Variants in GLIS3 observed in about 807,000 individuals in gnomAD.
The protein encoded by GLIS3 is GLIS family zinc finger 3, also known as zinc finger protein GLIS3.
Under a neutral mutation model 78.6 loss-of-function variants are expected in GLIS3, and 53 were observed. That is an observed-to-expected ratio of 0.67 (90% CI 0.54 to 0.85). The LOEUF is 0.85. Ranked by LOEUF, GLIS3 falls within the 40% of genes least tolerant of loss-of-function variation. The probability of loss-of-function intolerance (pLI) is 0.00; values close to 1 mark genes in which losing one functional copy is unlikely to be tolerated. For missense variants in GLIS3, 1,703 were observed against 1,231.1 expected (o/e 1.38, Z -5.74); for synonymous variants, 684 against 509.9 (o/e 1.34, Z -4.60).
intron 2 of GLIS3, among the ~76,000 whole-genome samples, chr9:4,284,758 G>GA (rs199765722): frequency 1.2e-4 from 17 of 146,294 alleles, no homozygotes; most frequent in African/African-American, 2.0e-4. Context: ...AAAAAAAAAA[G>GA]AAAAAAAAAA....
intron 2 of GLIS3, among the ~76,000 whole-genome samples, chr9:4,227,830 G>C (rs1488340786): frequency 1.3e-5 from 2 of 152,316 alleles, no homozygotes; most frequent in African/African-American, 4.8e-5. Context: ...AAACAATGCT[G>C]CTAAGGGTCA....
intron 4 of GLIS3, among the ~76,000 whole-genome samples, chr9:4,004,697 T>C (rs1196527283): frequency 6.6e-6 from 1 of 152,210 alleles, no homozygotes; most frequent in Non-Finnish European, 1.5e-5. Flanking sequence ...TTATTAGCCC[T>C]AAAGTTTCAT....
intron 4 of GLIS3, among the ~76,000 whole-genome samples, chr9:4,023,876 A>G (rs969336825): frequency 1.2e-4 from 19 of 152,218 alleles, no homozygotes; most frequent in African/African-American, 4.6e-4. Flanking sequence ...AAACTCATAC[A>G]GCATTTTGAC....
intron 2 of GLIS3, among the ~76,000 whole-genome samples, chr9:4,209,821 C>G (rs55751807): frequency 0.26 from 38,401 of 149,800 alleles, 5,360 homozygotes; most frequent in African/African-American, 0.37. Context: ...TCCCGCCCCC[C>G]CCCAGTTGTG....
chr9:4,201,793 T>TA (rs1174057451), intron 2 of GLIS3, among the ~76,000 whole-genome samples: 1 of 152,200 alleles, frequency 6.6e-6, no homozygotes, highest in East Asian at 1.9e-4. Flanking sequence ...GTGCTATTCC[T>TA]ATTAAGCTAA....
chr9:4,120,404 G>A (rs1292215729), intron 3 of GLIS3, among the ~76,000 whole-genome samples: 1 of 152,176 alleles, frequency 6.6e-6, no homozygotes, highest in Non-Finnish European at 1.5e-5. Context: ...TTTTCCTCTT[G>A]GTCCACATCC....
chr9:4,190,319 A>G, intron 2 of GLIS3, among the ~76,000 whole-genome samples: 1 of 152,258 alleles, frequency 6.6e-6, no homozygotes, highest in African/African-American at 2.4e-5. Flanking sequence ...AGAATAACCA[A>G]TATAGAGAAG....
At chr9:4,458,350 G>A in the GLIS3 span, among the ~76,000 whole-genome samples, 2 of 152,246 alleles carry the variant, frequency 1.3e-5, no homozygotes, top group African/African-American at 4.8e-5. Flanking sequence ...CTCTTGTGGT[G>A]TGGAGAGAGT....
chr9:4,055,625 G>A (rs1826082086), intron 4 of GLIS3, among the ~76,000 whole-genome samples: 1 of 152,226 alleles, frequency 6.6e-6, no homozygotes, highest in African/African-American at 2.4e-5. Context: ...ATGTTGCTCT[G>A]CTGCATGTTC....
chr9:4,138,766 A>C (rs374127063), intron 2 of GLIS3, among the ~76,000 whole-genome samples: 14 of 152,194 alleles, frequency 9.2e-5, no homozygotes, highest in African/African-American at 3.4e-4. Context: ...TTGGAGTATG[A>C]AATAAGTCAC....
At chr9:3,834,974 C>T (rs928395844) in intron 9 of GLIS3, among the ~76,000 whole-genome samples, 8 of 152,140 alleles carry the variant, frequency 5.3e-5, no homozygotes, top group Admixed American at 2.6e-4. Context: ...GCGATGTGCC[C>T]TTGTGGGTCT....
At chr9:4,104,868 C>A (rs1830636350) in intron 4 of GLIS3, among the ~76,000 whole-genome samples, 1 of 152,168 alleles carries the variant, frequency 6.6e-6, no homozygotes, top group African/African-American at 2.4e-5. Flanking sequence ...CCTGCTGGAT[C>A]CCCAGTGCTT....
At position 3,828,252 on chromosome 9, in the gene GLIS3, AGG is replaced by A. The variant is rs1302618227; in HGVS notation, c.*18_*19del. On this transcript the variant is annotated 3_prime_UTR_variant, in exon 11 of 11. Coordinates refer to ENST00000381971, the MANE Select transcript of GLIS3 (RefSeq NM_001042413.2). ...AGCAACATCAAGGTCCTGGGTGTGC[AGG>A]AGTGGCCAAGAGAGCTTTTAGCCTT... The A allele has an allele frequency of 6.2e-7, 1 of 1,613,956 alleles. No homozygotes were observed. Among genetic ancestry groups the A allele is most frequent in the South Asian group, 1.1e-5 (1 of 91,074 alleles).
intron 8 of GLIS3, among the ~76,000 whole-genome samples, chr9:3,866,612 G>A (rs1820606136): frequency 6.6e-6 from 1 of 152,202 alleles, no homozygotes; most frequent in Admixed American, 6.5e-5. Flanking sequence ...GGAACAGCAA[G>A]TGCAGAGTCC....
chr9:4,381,954 C>G, the GLIS3 span, among the ~76,000 whole-genome samples: 1 of 152,240 alleles, frequency 6.6e-6, no homozygotes, highest in East Asian at 1.9e-4. Flanking sequence ...TTGGCAGTCC[C>G]AGCACAGGCT....
At chr9:4,370,768 T>C in the GLIS3 span, among the ~76,000 whole-genome samples, 2 of 152,052 alleles carry the variant, frequency 1.3e-5, no homozygotes, top group East Asian at 3.9e-4. Flanking sequence ...TCAATTAAAG[T>C]ATGAAGTTCA....
At chr9:4,162,585 T>C (rs7045368) in intron 2 of GLIS3, among the ~76,000 whole-genome samples, 107,379 of 151,968 alleles carry the variant, frequency 0.71, 38,530 homozygotes, top group African/African-American at 0.77. Flanking sequence ...ACTGGCCGGG[T>C]GCGGTGGCTC....
intron 4 of GLIS3, among the ~76,000 whole-genome samples, chr9:3,979,443 G>A (rs147902941): frequency 2.0e-5 from 3 of 152,202 alleles, no homozygotes; most frequent in African/African-American, 7.2e-5. Context: ...CGCTTCGAGC[G>A]AAGACCACAG....
At chr9:4,114,127 C>G (rs940432229) in intron 4 of GLIS3, among the ~76,000 whole-genome samples, 11 of 152,138 alleles carry the variant, frequency 7.2e-5, no homozygotes, top group African/African-American at 2.7e-4. Flanking sequence ...GCAACAGAAC[C>G]CTGGGTCCCT....
Sources: allele counts gnomAD v4.1 joint callset (sites outside exome capture counted in the v4.1 genomes callset), GRCh38; gene constraint gnomAD v4.1.1; transcripts MANE v1.5; gene names NCBI Gene and HGNC (gene_info 2026-07-23, HGNC 2026-07-21).